The following HACL1 variants were observed in gnomAD, a reference collection of about 807,000 sequenced individuals.
HACL1 encodes 1600020H07Rik.
HACL1 carries 64 observed loss-of-function variants against 74.2 expected under a neutral mutation model. The observed-to-expected ratio is 0.86, with a 90% CI of 0.70 to 1.06. The LOEUF (loss-of-function observed/expected upper bound fraction) is 1.06, where lower values mean the gene tolerates loss of function less well. Among genes scored for constraint, HACL1 ranks in the 50% least tolerant of loss-of-function variants. The pLI, the probability that HACL1 is intolerant of heterozygous loss-of-function variation, is 0.00. For synonymous variants in HACL1, 230 were observed against 238.8 expected (o/e 0.96, Z 0.34); for missense variants, 728 against 719.7 (o/e 1.01, Z -0.13).
chr3:15,592,530 A>T (rs116484104), intron 3 of HACL1, among the ~76,000 whole-genome samples: 63 of 144,098 alleles, frequency 4.4e-4, no homozygotes, highest in East Asian at 1.7e-3. Flanking sequence ...ACATATACAC[A>T]TGTATACACA....
intron 11 of HACL1, 60 bp from the exon 12 acceptor site, chr3:15,571,829 CTTTTTTTTTTT>C (rs869072841): frequency 5.2e-4 from 118 of 226,178 alleles, no homozygotes; most frequent in African/African-American, 2.0e-3. Flanking sequence ...CCTTTTTTTT[CTTTTTTTTTTT>C]TTTTTTTTTT....
chr3:15,597,867 C>G (rs1032947622), intron 2 of HACL1, among the ~76,000 whole-genome samples: 1 of 151,934 alleles, frequency 6.6e-6, no homozygotes, highest in Admixed American at 6.6e-5. Context: ...ATTTAGACAC[C>G]CAAAAGAATT....
chr3:15,595,557 A>T (rs1412420864), intron 3 of HACL1, among the ~76,000 whole-genome samples: 1 of 151,740 alleles, frequency 6.6e-6, no homozygotes, highest in Admixed American at 6.6e-5. Context: ...AAAATGACCA[A>T]TTCTTAACAG....
At chr3:15,560,956 C>T (rs986314371) in intron 16 of HACL1, 59 bp from the exon 17 acceptor site, 2 of 1,243,356 alleles carry the variant, frequency 1.6e-6, no homozygotes, top group Admixed American at 3.6e-5. Context: ...AAATTATATC[C>T]TCATTGTTTC....
At position 15,592,415 on chromosome 3, in the gene HACL1, TAC is replaced by T. The variant is rs557999562; in HGVS notation, c.228-737_228-736del. 5.7e-3 allele frequency among the ~76,000 whole-genome samples: 857 copies of T among 151,096 alleles called. 3 individuals are homozygous for T. Among genetic ancestry groups the T allele is most frequent in the Middle Eastern group, 0.017 (5 of 290 alleles). ...ACGTGTATACATGTAGACACACGTA[TAC>T]ACACACGTATGCATGTAGACACACG... On this transcript the variant is annotated intron_variant, in intron 3 of 16. Coordinates refer to ENST00000321169, the MANE Select transcript of HACL1 (RefSeq NM_012260.4).
In HACL1 at chr3:15,589,586, G is replaced by A; in HGVS notation, c.335C>T (p.Ser112Phe). The change falls in exon 5 of 17, where the codon TCT (serine) becomes TTT (phenylalanine). Residue 112 changes from serine to phenylalanine, a missense_variant. By Grantham distance (155) the Ser-to-Phe change is radical (BLOSUM62 -2). Coordinates refer to ENST00000321169, the MANE Select transcript of HACL1 (RefSeq NM_012260.4). The part of the protein sequence containing the change: ...CWPLLVIGGS[S>F]ERNQETMGAF... The stretch of plus-strand genomic sequence containing the variant: ...TCCCATTGTTTCTTGGTTTCTTTCA[G>A]AGGAACCACCAATCACAAGCAAGGG... 6.2e-7 allele frequency: 1 copy of A among 1,609,478 alleles called. No individual in the cohort carries two copies. Among genetic ancestry groups the A allele is most frequent in the Non-Finnish European group, 8.5e-7 (1 of 1,175,922 alleles).
intron 2 of HACL1, among the ~76,000 whole-genome samples, chr3:15,598,730 T>C (rs1644434443): frequency 6.6e-6 from 1 of 152,210 alleles, no homozygotes; most frequent in South Asian, 2.1e-4. Flanking sequence ...ATCACAAACA[T>C]GTCCTGAATG....
intron 14 of HACL1, among the ~76,000 whole-genome samples, chr3:15,567,440 G>C (rs1259548691): frequency 6.7e-6 from 1 of 148,412 alleles, no homozygotes; most frequent in African/African-American, 2.5e-5. Context: ...GGCTGGTCTT[G>C]AACTCCTGAC....
chr3:15,589,271 T>G (rs1344558594), intron 5 of HACL1, among the ~76,000 whole-genome samples: 1 of 152,030 alleles, frequency 6.6e-6, no homozygotes, highest in Admixed American at 6.6e-5. Context: ...CTGAGGCAGG[T>G]GGATCGCTTG....
At position 15,560,757 on chromosome 3, in the gene HACL1, GTTTAT is replaced by G. The variant is rs149766477; in HGVS notation, c.*103_*107del. ...TTTACTGTAAAATGTCATTTTAAAT[GTTTAT>G]TTTATTTTGCACAATTTTAACAGTA... On this transcript the variant is annotated 3_prime_UTR_variant, in exon 17 of 17. Transcript: ENST00000321169. The G allele has an allele frequency of 4.6e-3, 3,544 of 775,300 alleles. 91 individuals are homozygous for G. The African/African-American group carries it at 0.055, about 12-fold the overall frequency. The allele number at this position is 775,300 out of a possible 1,614,324, so 48.0% of individuals were successfully genotyped here.
intron 16 of HACL1, among the ~76,000 whole-genome samples, chr3:15,562,486 T>G (rs2063359750): frequency 6.6e-6 from 1 of 152,228 alleles, no homozygotes; most frequent in Non-Finnish European, 1.5e-5. Flanking sequence ...TTTCATTGAT[T>G]ATCCAGGTAT....
At chr3:15,576,333 C>T (rs903633306) in intron 9 of HACL1, among the ~76,000 whole-genome samples, 1 of 151,886 alleles carries the variant, frequency 6.6e-6, no homozygotes, top group Non-Finnish European at 1.5e-5. Context: ...AGTCTTAATG[C>T]ACTCTTCACA....
Position 15,580,065 on chromosome 3 carries a change from A to G in HACL1, c.668-20T>C. 2.5e-6 allele frequency: 4 copies of G among 1,604,032 alleles called. No homozygotes were observed. Among genetic ancestry groups the G allele is most frequent in the Admixed American group, 1.7e-5 (1 of 59,334 alleles). On this transcript the variant is annotated intron_variant, in intron 8 of 16. Transcript: ENST00000321169. ...CAGCACCTATAAGAAATGCAAATGT[A>G]TTGGACAATTCAGTTAAGCTATAGG...
intron 3 of HACL1, 184 bp downstream of exon 3, chr3:15,596,200 G>A: frequency 1.8e-6 from 1 of 554,408 alleles, no homozygotes; most frequent in Non-Finnish European, 3.3e-6. Context: ...GTTCCACTCT[G>A]AAACACTTCT....
chr3:15,564,475 C>T (rs1017078201), intron 15 of HACL1, 76 bp downstream of exon 15: 6 of 710,840 alleles, frequency 8.4e-6, no homozygotes, highest in African/African-American at 7.2e-5. Context: ...CACATTACTG[C>T]CAATATAGAA....
rs1359534604 is a variant in HACL1 at position 15,596,415 on chromosome 3, C to CAT, written c.194_195dup (p.Ala66MetfsTer9). 2 of 1,597,982 alleles carry CAT rather than the reference C, an allele frequency of 1.3e-6. No individual in the cohort carries two copies. Among genetic ancestry groups the CAT allele is most frequent in the Non-Finnish European group, 8.6e-7 (1 of 1,165,592 alleles). Reference sequence around the variant, plus strand: ...GTCAGATATCCAATCGCGGAGGCAGCATAACAAGCCTACGAGAAAACAACA... The same window carrying CAT: ...GTCAGATATCCAATCGCGGAGGCAGCATATAACAAGCCTACGAGAAAACAACA... On this transcript the variant is annotated frameshift_variant, in exon 3 of 17. Coordinates refer to ENST00000321169, the MANE Select transcript of HACL1 (RefSeq NM_012260.4). LOFTEE classifies it high-confidence loss of function.
Position 15,580,005 on chromosome 3 carries a change from C to G in HACL1, c.708G>C (p.Leu236Phe), listed in dbSNP as rs753555483. Residue 236 changes from leucine (L) to phenylalanine (F), a missense_variant, in exon 9 of 17, where the codon TTG becomes TTC. Leu to Phe is a conservative substitution (Grantham distance 22). Coordinates refer to ENST00000321169, the MANE Select transcript of HACL1 (RefSeq NM_012260.4). ...AAAATGGCAGTTTATATTGCTCCAC[C>G]AATTTCTTGATACTCTCTTCTGCAT... ...YAHAEESIKK[L>F]VEQYKLPFLP... The G allele has an allele frequency of 2.0e-5, 32 of 1,610,716 alleles. No individual in the cohort carries two copies. Among genetic ancestry groups the G allele is most frequent in the Non-Finnish European group, 2.6e-5 (31 of 1,176,980 alleles).
chr3:15,571,724 T>C lies in HACL1; in HGVS notation c.1039A>G (p.Ser347Gly). The C allele has an allele frequency of 6.6e-7, 1 of 1,519,512 alleles. No homozygotes were observed. The highest frequency in any genetic ancestry group is 9.0e-7 in the Non-Finnish European group (1 of 1,105,566). 94.1% of individuals were successfully genotyped at this position (1,519,512 alleles called of 1,614,324 possible). A position where few individuals can be genotyped will look rare whatever the true frequency, so the allele number is the denominator to read the frequency against. ...TCTCTCAGAGTTTTCCACCACTTGC[T>C]CTCTGGAGGATACTGCCATGGTGTT... ...DKTPWQYPPE[S>G]KWWKTLREKM... The change falls in exon 12 of 17, where the codon AGC becomes GGC. Residue 347 changes from serine (S) to glycine (G), a missense_variant. Ser to Gly is a moderately conservative substitution (Grantham distance 56). Transcript: ENST00000321169.
Position 15,571,660 on chromosome 3 carries a change from G to A in HACL1, c.1095+8C>T, listed in dbSNP as rs79572364. The A allele has an allele frequency of 3.6e-3, 4,379 of 1,227,096 alleles. 124 individuals carry two copies. In the African/African-American group the frequency reaches 0.056, roughly 16 times the overall value. The allele number at this position is 1,227,096 out of a possible 1,614,324, so 76.0% of individuals were successfully genotyped here. On this transcript the variant is annotated splice_region_variant and intron_variant, in intron 12 of 16. Coordinates refer to ENST00000321169, the MANE Select transcript of HACL1 (RefSeq NM_012260.4). ...CCTGTTATTGAGCGTCAGTAGGTCCGATTTTACCTTGGATGCAGCTTCATT... is the reference window on the plus strand; with the variant it reads ...CCTGTTATTGAGCGTCAGTAGGTCCAATTTTACCTTGGATGCAGCTTCATT...
Sources: gnomAD v4.1 joint callset for allele counts (sites outside exome capture counted in the v4.1 genomes callset) on GRCh38, gnomAD v4.1.1 for gene constraint, MANE v1.5 for transcripts, NCBI Gene and HGNC (gene_info 2026-07-23, HGNC 2026-07-21) for gene names.